The following RIMS2 variants were observed in gnomAD, a reference collection of about 807,000 sequenced individuals.
RIMS2 encodes the protein regulating synaptic membrane exocytosis 2.
Under a neutral mutation model 174.4 loss-of-function variants are expected in RIMS2, and 59 were observed. The ratio of observed to expected loss-of-function variants is 0.34; its 90% CI spans 0.27 to 0.42. The LOEUF (loss-of-function observed/expected upper bound fraction) is 0.42, where lower values mean the gene tolerates loss of function less well. Among genes scored for constraint, RIMS2 ranks in the 10% least tolerant of loss-of-function variants. The probability of loss-of-function intolerance (pLI) is 1.00; values close to 1 mark genes in which losing one functional copy is unlikely to be tolerated. For synonymous variants in RIMS2, 606 were observed against 572.5 expected, an observed-to-expected ratio of 1.06 and a Z score of -0.84; for missense variants, 1,620 against 1,666.3, an observed-to-expected ratio of 0.97 and a Z score of 0.48.
At chr8:103,597,206 A>T (rs2094511164) in intron 1 of RIMS2, among the ~76,000 whole-genome samples, 1 of 152,166 alleles carries the variant, frequency 6.6e-6, no homozygotes, top group Non-Finnish European at 1.5e-5. Flanking sequence ...ATAGATAATG[A>T]CCATATTTTC....
chr8:104,044,125 T>C (rs2096653250), intron 19 of RIMS2, among the ~76,000 whole-genome samples: 1 of 151,548 alleles, frequency 6.6e-6, no homozygotes, highest in Admixed American at 6.6e-5. Flanking sequence ...CCATTCATGA[T>C]ACGAAAGGAA....
At chr8:104,123,126 A>G (rs1034300303) in intron 19 of RIMS2, among the ~76,000 whole-genome samples, 31 of 152,098 alleles carry the variant, frequency 2.0e-4, no homozygotes, top group Non-Finnish European at 1.3e-4. Context: ...AAAAATTTGC[A>G]TTTGAAAATG....
At chr8:104,255,811 A>T (rs757784332), downstream of RIMS2, 1 of 152,188 alleles carries the variant, frequency 6.6e-6, no homozygotes, top group Non-Finnish European at 1.5e-5. Context: ...CCACCTCTGG[A>T]CTGTGAAATG....
chr8:103,929,433 C>T (rs768926706), intron 11 of RIMS2, among the ~76,000 whole-genome samples: 8 of 151,700 alleles, frequency 5.3e-5, no homozygotes, highest in Non-Finnish European at 1.0e-4. Flanking sequence ...ATAATTTGCT[C>T]TAATAATTTT....
intron 2 of RIMS2, among the ~76,000 whole-genome samples, chr8:103,706,310 G>A (rs998452117): frequency 1.3e-5 from 2 of 151,784 alleles, no homozygotes; most frequent in Admixed American, 1.3e-4. Context: ...TAAACTTTTA[G>A]TCTTCATACT....
intron 3 of RIMS2, among the ~76,000 whole-genome samples, chr8:103,785,755 G>C (rs974845160): frequency 6.6e-5 from 10 of 152,164 alleles, no homozygotes; most frequent in African/African-American, 2.2e-4. Flanking sequence ...TCTCTGCCTG[G>C]CTTTGGTATC....
intron 3 of RIMS2, chr8:103,819,435 G>A (rs1305121338): frequency 2.5e-6 from 4 of 1,592,072 alleles, no homozygotes; most frequent in South Asian, 1.1e-5. Context: ...TTATTTGATG[G>A]TGTCAGCAAA....
At chr8:103,853,377 T>C (rs1056727536) in intron 3 of RIMS2, among the ~76,000 whole-genome samples, 1 of 152,158 alleles carries the variant, frequency 6.6e-6, no homozygotes, top group Admixed American at 6.6e-5. Flanking sequence ...ATGCAGAAAC[T>C]CTTTAGTTTA....
chr8:104,239,393 G>A (rs533367852), intron 19 of RIMS2, among the ~76,000 whole-genome samples: 5 of 152,174 alleles, frequency 3.3e-5, no homozygotes, highest in African/African-American at 1.2e-4. Context: ...ATTTTTACCT[G>A]CAGGCATCTT....
At chr8:104,145,692 A>AATAAATAC (rs2133832976) in intron 19 of RIMS2, among the ~76,000 whole-genome samples, 1 of 149,438 alleles carries the variant, frequency 6.7e-6, no homozygotes, top group East Asian at 2.0e-4. Flanking sequence ...TAAATAAATA[A>AATAAATAC]ATAAATAAAT....
At position 103,899,816 on chromosome 8, in the gene RIMS2, T is replaced by A. The variant is rs541430842; in HGVS notation, c.1625-10318T>A. On this transcript the variant is annotated intron_variant, in intron 4 of 23. Transcript: ENST00000504942. The stretch of plus-strand genomic sequence containing the variant: ...GCCCATGCCTATGTCCTGAATGGTA[T>A]TACCTAGGTTTTCTTCTAGGGTTTT... Among the ~76,000 whole-genome samples the A allele has an allele frequency of 3.3e-5, 5 of 151,940 alleles. No individual in the cohort carries two copies. In the South Asian group the frequency reaches 8.3e-4, roughly 25 times the overall value.
At chr8:104,079,712 A>G (rs1193684023) in intron 19 of RIMS2, among the ~76,000 whole-genome samples, 1 of 148,094 alleles carries the variant, frequency 6.8e-6, no homozygotes, top group Non-Finnish European at 1.5e-5. Flanking sequence ...CCATGGCATT[A>G]CCACATAAAA....
chr8:103,503,791 T>C (rs183133586), intron 1 of RIMS2, among the ~76,000 whole-genome samples: 140 of 152,076 alleles, frequency 9.2e-4, no homozygotes, highest in Middle Eastern at 3.4e-3. Context: ...TAGATGACAA[T>C]ACCTAGATGC....
At chr8:104,255,263 T>C (rs2099366234), downstream of RIMS2, 1 of 150,000 alleles carries the variant, frequency 6.7e-6, no homozygotes, top group African/African-American at 2.5e-5. Flanking sequence ...TGTTCTTTGT[T>C]GTTCATATAC....
At chr8:103,788,342 G>A (rs1312407499) in intron 3 of RIMS2, among the ~76,000 whole-genome samples, 1 of 147,484 alleles carries the variant, frequency 6.8e-6, no homozygotes, top group African/African-American at 2.5e-5. Flanking sequence ...AGGAGGAGAG[G>A]CACTCTGCTT....
intron 19 of RIMS2, among the ~76,000 whole-genome samples, chr8:104,017,577 A>T (rs568054828): frequency 1.4e-4 from 21 of 151,880 alleles, no homozygotes; most frequent in African/African-American, 5.1e-4. Flanking sequence ...CTAGAAGAAA[A>T]GTTATATAAC....
chr8:104,100,742 G>C (rs1373506736), intron 19 of RIMS2, among the ~76,000 whole-genome samples: 1 of 146,990 alleles, frequency 6.8e-6, no homozygotes, highest in Non-Finnish European at 1.5e-5. Flanking sequence ...TATCTAGTCT[G>C]TTGGCAAGTT....
At chr8:103,743,367 A>T (rs548177059) in intron 2 of RIMS2, among the ~76,000 whole-genome samples, 1 of 152,312 alleles carries the variant, frequency 6.6e-6, no homozygotes, top group South Asian at 2.1e-4. Context: ...TTATTGCCGG[A>T]TAAATTTGTT....
exon 4 of RIMS2, chr8:103,885,851 G>A (rs376752812): frequency 2.5e-6 from 4 of 1,612,746 alleles, no homozygotes; most frequent in Non-Finnish European, 3.4e-6. Context: ...AACTCGAGAG[G>A]CTCAGGGACC....
Sources: allele counts gnomAD v4.1 joint callset (sites outside exome capture counted in the v4.1 genomes callset), GRCh38; gene constraint gnomAD v4.1.1; transcripts MANE v1.5; gene names NCBI Gene and HGNC (gene_info 2026-07-23, HGNC 2026-07-21).